The following CMPK1 variants were observed in gnomAD, a reference collection of about 807,000 sequenced individuals.
The protein encoded by CMPK1 is cytidine/uridine monophosphate kinase 1, also known as UMP-CMP kinase.
A neutral mutation model predicts 25.7 loss-of-function variants in CMPK1; 10 were observed. The observed-to-expected ratio is 0.39, with a 90% CI of 0.24 to 0.66. The LOEUF (loss-of-function observed/expected upper bound fraction) is 0.66. Among genes scored for constraint, CMPK1 ranks in the 30% least tolerant of loss-of-function variants. The pLI is 0.48. For missense variants in CMPK1, 199 were observed against 280.5 expected (o/e 0.71, Z 2.08); for synonymous variants, 106 against 101.5 (o/e 1.04, Z -0.27).
At chr1:47,345,263 A>G (rs2149326417) in intron 1 of CMPK1, among the ~76,000 whole-genome samples, 1 of 151,486 alleles carries the variant, frequency 6.6e-6, no homozygotes, top group South Asian at 2.1e-4. Flanking sequence ...CATCCTTCAG[A>G]TCTTAGCTTA....
At chr1:47,341,293 T>C (rs1458220972) in intron 1 of CMPK1, among the ~76,000 whole-genome samples, 1 of 152,208 alleles carries the variant, frequency 6.6e-6, no homozygotes, top group Non-Finnish European at 1.5e-5. Flanking sequence ...GATTAGTGTA[T>C]TTTTTGCTGA....
intron 1 of CMPK1, among the ~76,000 whole-genome samples, chr1:47,359,185 C>T (rs1300305961): frequency 1.3e-5 from 2 of 151,480 alleles, no homozygotes; most frequent in Non-Finnish European, 2.9e-5. Flanking sequence ...GGCATGTTGG[C>T]GGGCGCCTGT....
intron 1 of CMPK1, among the ~76,000 whole-genome samples, chr1:47,346,302 C>G (rs1646483551): frequency 6.6e-6 from 1 of 151,398 alleles, no homozygotes; most frequent in South Asian, 2.1e-4. Flanking sequence ...CCAGCCTCAG[C>G]CTCCCAAAGT....
chr1:47,362,097 T>C (rs1305314789), intron 1 of CMPK1, among the ~76,000 whole-genome samples: 1 of 151,894 alleles, frequency 6.6e-6, no homozygotes, highest in African/African-American at 2.4e-5. Flanking sequence ...CTTGAACTCC[T>C]GACCTCAGGT....
chr1:47,370,959 A>AAAAT (rs3046950), intron 2 of CMPK1, among the ~76,000 whole-genome samples: 63,923 of 149,044 alleles, frequency 0.43, 15,748 homozygotes, highest in South Asian at 0.55. Context: ...TCCGCCTCAA[A>AAAAT]AAATAAATAA....
chr1:47,353,979 A>G (rs984443792), intron 1 of CMPK1, among the ~76,000 whole-genome samples: 5 of 152,092 alleles, frequency 3.3e-5, no homozygotes, highest in African/African-American at 7.2e-5. Context: ...GGCCTCCTAA[A>G]GTGCTGGGAT....
intron 5 of CMPK1, among the ~76,000 whole-genome samples, 197 bp from the exon 6 acceptor site, chr1:47,376,507 G>A (rs1040524498): frequency 3.3e-5 from 5 of 151,988 alleles, no homozygotes; most frequent in African/African-American, 9.7e-5. Context: ...GTAGAGACGG[G>A]GTTTTGCCAT....
At chr1:47,355,244 C>T (rs191285895) in intron 1 of CMPK1, among the ~76,000 whole-genome samples, 61 of 151,662 alleles carry the variant, frequency 4.0e-4, no homozygotes, top group African/African-American at 1.5e-3. Flanking sequence ...CAGGGTTTCG[C>T]TATGTTGGCC....
In CMPK1 at chr1:47,368,560, A is replaced by C; in HGVS notation, c.263A>C (p.Tyr88Ser). 4 of 1,611,978 alleles carry C rather than the reference A, an allele frequency of 2.5e-6. No homozygotes were observed. Among genetic ancestry groups the C allele is most frequent in the Non-Finnish European group, 3.4e-6 (4 of 1,178,834 alleles). ...DSQYGELIEK[Y>S]IKEGKIVPVE... ...CAGTATGGTGAACTTATTGAAAAGT[A>C]CATTAAAGAAGGAAAGATTGTACCA... Residue 88 changes from tyrosine (Y) to serine (S), a missense_variant, in exon 2 of 6, where the codon TAC becomes TCC. This residue lies in a region of CMPK1 where 140 missense variants were observed against 235.5 expected (regional missense o/e 0.59). Transcript: ENST00000371873.
intron 1 of CMPK1, among the ~76,000 whole-genome samples, chr1:47,350,477 C>G (rs963997313): frequency 6.6e-6 from 1 of 152,070 alleles, no homozygotes; most frequent in Non-Finnish European, 1.5e-5. Context: ...GTCTTGAACT[C>G]TTGGGCTCAA....
At chr1:47,341,228 C>T (rs1646438712) in intron 1 of CMPK1, among the ~76,000 whole-genome samples, 1 of 152,200 alleles carries the variant, frequency 6.6e-6, no homozygotes, top group African/African-American at 2.4e-5. Flanking sequence ...CCATCTCTTT[C>T]TCAATGTTCT....
At chr1:47,364,820 G>A (rs1490761125) in intron 1 of CMPK1, among the ~76,000 whole-genome samples, 2 of 151,556 alleles carry the variant, frequency 1.3e-5, no homozygotes, top group East Asian at 3.9e-4. Context: ...CTCCCAGGCT[G>A]GAGGGCAGTG....
chr1:47,345,220 C>T (rs1646473978), intron 1 of CMPK1, among the ~76,000 whole-genome samples: 1 of 151,852 alleles, frequency 6.6e-6, no homozygotes, highest in Non-Finnish European at 1.5e-5. Flanking sequence ...GCCTGGCCTT[C>T]ATTCTACTAC....
chr1:47,371,626 C>T (rs936049071), intron 2 of CMPK1, among the ~76,000 whole-genome samples: 2 of 152,114 alleles, frequency 1.3e-5, no homozygotes, highest in Non-Finnish European at 2.9e-5. Context: ...TGCAAGTTTC[C>T]AAAACCATGA....
At chr1:47,344,572 C>T (rs1339112612) in intron 1 of CMPK1, among the ~76,000 whole-genome samples, 2 of 151,308 alleles carry the variant, frequency 1.3e-5, no homozygotes, top group African/African-American at 2.4e-5. Flanking sequence ...AGTCTTGGCT[C>T]ACTGCAACCT....
intron 1 of CMPK1, among the ~76,000 whole-genome samples, chr1:47,365,158 G>A (rs1033890629): frequency 1.3e-5 from 2 of 152,046 alleles, no homozygotes; most frequent in Non-Finnish European, 2.9e-5. Flanking sequence ...AAGCTCAGTA[G>A]CAGTTCAGTG....
intron 1 of CMPK1, among the ~76,000 whole-genome samples, chr1:47,367,593 T>C (rs1227463125): frequency 6.6e-6 from 1 of 152,200 alleles, no homozygotes; most frequent in African/African-American, 2.4e-5. Context: ...GAAAACTCCA[T>C]TGAGGGAGTC....
At chr1:47,358,830 G>A in intron 1 of CMPK1, 1 of 983,826 alleles carries the variant, frequency 1.0e-6, no homozygotes, top group Non-Finnish European at 1.2e-6. Context: ...CATTTTTCTG[G>A]TGTTGATTCT....
chr1:47,357,421 C>T (rs1193913857), intron 1 of CMPK1, among the ~76,000 whole-genome samples: 1 of 151,652 alleles, frequency 6.6e-6, no homozygotes, highest in Admixed American at 6.6e-5. Flanking sequence ...TGATGGGAGC[C>T]AAACTCATCC....
Sources: gnomAD v4.1 joint callset for allele counts (sites outside exome capture counted in the v4.1 genomes callset) on GRCh38, gnomAD v4.1.1 for gene constraint, gnomAD v4.1.1 regional missense constraint, MANE v1.5 for transcripts, NCBI Gene and HGNC (gene_info 2026-07-23, HGNC 2026-07-21) for gene names.